Variants in HOMER2 observed in about 807,000 individuals in gnomAD.
The protein encoded by HOMER2 is homer protein homolog 2.
A neutral mutation model predicts 47.0 loss-of-function variants in HOMER2; 27 were observed. The ratio of observed to expected loss-of-function variants is 0.57; its 90% CI spans 0.42 to 0.79. The LOEUF is 0.79. Ranked by LOEUF, HOMER2 falls within the 30% of genes least tolerant of loss-of-function variation. HOMER2 has a pLI of 0.00. For synonymous variants in HOMER2, 161 were observed against 163.8 expected, an observed-to-expected ratio of 0.98 and a Z score of 0.13; for missense variants, 443 against 435.0, an observed-to-expected ratio of 1.02 and a Z score of -0.16.
intron 3 of HOMER2, among the ~76,000 whole-genome samples, chr15:82,869,897 T>C (rs2052122788): frequency 6.6e-6 from 1 of 152,244 alleles, no homozygotes; most frequent in African/African-American, 2.4e-5. Context: ...GATATCCTTA[T>C]ACTCAGTTAC....
upstream of HOMER2, among the ~76,000 whole-genome samples, chr15:82,955,391 G>C (rs906562626): frequency 6.7e-5 from 10 of 148,328 alleles, no homozygotes; most frequent in Admixed American, 5.4e-4. Context: ...GGATGGTCTC[G>C]ATCTCCAGAC....
chr15:82,901,724 G>T (rs1051336333), intron 1 of HOMER2, among the ~76,000 whole-genome samples: 1 of 152,230 alleles, frequency 6.6e-6, no homozygotes. Context: ...TCTTTAACTC[G>T]GGGCCAGCAT....
At chr15:82,855,925 G>A (rs1410411067) in intron 5 of HOMER2, among the ~76,000 whole-genome samples, 1 of 152,210 alleles carries the variant, frequency 6.6e-6, no homozygotes, top group Non-Finnish European at 1.5e-5. Context: ...GAATGTGACT[G>A]GAGGTGACAG....
intron 1 of HOMER2, among the ~76,000 whole-genome samples, chr15:82,896,195 T>C (rs75102930): frequency 0.011 from 1,644 of 151,868 alleles, 8 homozygotes; most frequent in Non-Finnish European, 0.016. Flanking sequence ...TGGAGATGAG[T>C]GCGGCCTGTG....
intron 1 of HOMER2, among the ~76,000 whole-genome samples, chr15:82,962,063 C>G (rs1209055166): frequency 6.6e-6 from 1 of 152,100 alleles, no homozygotes; most frequent in African/African-American, 2.4e-5. Context: ...TGCACCCAGC[C>G]CACACAAACT....
chr15:82,974,881 C>T (rs936319270), intron 1 of HOMER2, among the ~76,000 whole-genome samples: 2 of 152,136 alleles, frequency 1.3e-5, no homozygotes, highest in African/African-American at 2.4e-5. Context: ...ACCAGCCTGG[C>T]CAACATGGTG....
intron 3 of HOMER2, among the ~76,000 whole-genome samples, chr15:82,870,491 G>A (rs1005407681): frequency 6.6e-5 from 10 of 152,114 alleles, no homozygotes; most frequent in African/African-American, 2.4e-4. Context: ...TGAAATCCAT[G>A]CAGATTGTCA....
At chr15:82,950,415 T>C (rs976720635) in intron 1 of HOMER2, among the ~76,000 whole-genome samples, 4 of 152,060 alleles carry the variant, frequency 2.6e-5, no homozygotes, top group Admixed American at 6.6e-5. Flanking sequence ...AGCAGAGCCA[T>C]GACGAAGCTG....
rs149877477 is a variant in HOMER2, at chr15:82,857,642, G to A, written c.494+1387C>T. ...GATGGGGTTTCACCGTGTTGCCCAG[G>A]CTGGTCTCGAACTCCTGACCTCAAG... On this transcript the variant is annotated intron_variant, in intron 5 of 8. Coordinates refer to ENST00000450735, the MANE Select transcript of HOMER2 (RefSeq NM_004839.4). Among the ~76,000 whole-genome samples, 387 of 152,078 alleles carry A rather than the reference G, an allele frequency of 2.5e-3. 2 individuals are homozygous for A. The highest frequency in any genetic ancestry group is 8.6e-3 in the African/African-American group (355 of 41,456).
intron 3 of HOMER2, among the ~76,000 whole-genome samples, chr15:82,864,920 G>C (rs1040638176): frequency 1.3e-5 from 2 of 152,242 alleles, no homozygotes; most frequent in Non-Finnish European, 2.9e-5. Context: ...GATAATGGTG[G>C]TATTACAAAG....
rs201522712 is a variant in HOMER2, at chr15:82,892,814, C to T, written c.33G>A (p.Ala11=). 38 of 1,599,366 alleles carry T rather than the reference C, an allele frequency of 2.4e-5. No individual in the cohort carries two copies. The highest frequency in any genetic ancestry group is 2.1e-5 in the Non-Finnish European group (25 of 1,169,922). Reference sequence around the variant, plus strand: ...TGTTGGGGTCAATCTGGAAGACATGCGCTCGGGTGGTGAAGATGGGCTGTT... The same window carrying T: ...TGTTGGGGTCAATCTGGAAGACATGTGCTCGGGTGGTGAAGATGGGCTGTT... MGEQPIFTTR[A]HVFQIDPNTK... Residue 11 remains alanine (A), a synonymous_variant, in exon 2 of 9, where the codon GCG becomes GCA. Coordinates refer to ENST00000450735, the MANE Select transcript of HOMER2 (RefSeq NM_004839.4).
Position 82,859,008 on chromosome 15 carries a change from T to C in HOMER2, c.494+21A>G, listed in dbSNP as rs192977387. 170 of 1,605,634 alleles carry C rather than the reference T, an allele frequency of 1.1e-4. No homozygotes were observed. In the African/African-American group the frequency reaches 2.0e-3, roughly 19 times the overall value. On this transcript the variant is annotated intron_variant, in intron 5 of 8. Coordinates refer to ENST00000450735, the MANE Select transcript of HOMER2 (RefSeq NM_004839.4). Reference sequence around the variant, plus strand: ...TGCTGAAGGTGGAGAAAATAGAATCTGGACTTTAAAACAGCCTTACCTCTG... The same window carrying C: ...TGCTGAAGGTGGAGAAAATAGAATCCGGACTTTAAAACAGCCTTACCTCTG...
intron 1 of HOMER2, among the ~76,000 whole-genome samples, chr15:82,906,399 G>C (rs1207116928): frequency 6.6e-6 from 1 of 150,818 alleles, no homozygotes; most frequent in Non-Finnish European, 1.5e-5. Context: ...TGTTAGAATG[G>C]GTTAAAAAAT....
At chr15:82,900,942 T>C (rs1360403395) in intron 1 of HOMER2, among the ~76,000 whole-genome samples, 2 of 152,214 alleles carry the variant, frequency 1.3e-5, no homozygotes, top group Non-Finnish European at 2.9e-5. Context: ...AATTCCCTTT[T>C]TGGGTCACAT....
chr15:82,969,900 T>A (rs1428556512), intron 1 of HOMER2, among the ~76,000 whole-genome samples: 1 of 152,166 alleles, frequency 6.6e-6, no homozygotes, highest in Non-Finnish European at 1.5e-5. Flanking sequence ...AACCTTTGTA[T>A]CCTCAACAAC....
At chr15:82,864,127 C>A in intron 4 of HOMER2, 40 bp downstream of exon 4, 1 of 1,358,326 alleles carries the variant, frequency 7.4e-7, no homozygotes, top group East Asian at 2.3e-5. Context: ...GTCCCTATCA[C>A]CAACCCCACT....
intron 2 of HOMER2, among the ~76,000 whole-genome samples, chr15:82,877,942 G>A (rs1180424050): frequency 1.3e-5 from 2 of 152,106 alleles, no homozygotes; most frequent in Admixed American, 6.5e-5. Context: ...TCAGCCCCAA[G>A]CAGGGTGGAT....
At chr15:82,876,488 A>G (rs1056053577) in intron 2 of HOMER2, among the ~76,000 whole-genome samples, 1 of 152,240 alleles carries the variant, frequency 6.6e-6, no homozygotes, top group East Asian at 1.9e-4. Flanking sequence ...AAATATCAAC[A>G]ATGGCTTATT....
Position 82,910,645 on chromosome 15 carries a change from G to A in HOMER2, c.6-17804C>T, listed in dbSNP as rs2053425828. ...CCAGATGCCTGCTTTAGATAATAGG[G>A]AAGTGCAATTACTTCTAATTTCCCA... is the stretch of plus-strand genomic sequence containing the variant. On this transcript the variant is annotated intron_variant, in intron 1 of 8. Transcript: ENST00000450735. Among the ~76,000 whole-genome samples, 9 of 152,312 alleles carry A rather than the reference G, an allele frequency of 5.9e-5. No homozygotes were observed. The South Asian group carries it at 1.9e-3, about 32-fold the overall frequency.
Sources: allele counts gnomAD v4.1 joint callset (sites outside exome capture counted in the v4.1 genomes callset), GRCh38; gene constraint gnomAD v4.1.1; transcripts MANE v1.5; gene names NCBI Gene and HGNC (gene_info 2026-07-23, HGNC 2026-07-21).